The following MSH3 variants were observed in gnomAD, a reference collection of about 807,000 sequenced individuals.
MSH3 encodes DNA mismatch repair protein Msh3.
A neutral mutation model predicts 123.3 loss-of-function variants in MSH3; 106 were observed. That is an observed-to-expected ratio of 0.86 (90% CI 0.73 to 1.01). The LOEUF (loss-of-function observed/expected upper bound fraction) is 1.01, where lower values mean the gene tolerates loss of function less well. Among genes scored for constraint, MSH3 ranks in the 50% least tolerant of loss-of-function variants. MSH3 has a pLI of 0.00. For synonymous variants in MSH3, 515 were observed against 481.4 expected, an observed-to-expected ratio of 1.07 and a Z score of -0.91; for missense variants, 1,459 against 1,347.6, an observed-to-expected ratio of 1.08 and a Z score of -1.29.
At chr5:80,717,580 C>A (rs1750989397) in intron 8 of MSH3, among the ~76,000 whole-genome samples, 1 of 152,116 alleles carries the variant, frequency 6.6e-6, no homozygotes, top group Non-Finnish European at 1.5e-5. Flanking sequence ...TTTTAAGGAA[C>A]CTCCATACTA....
chr5:80,865,801 G>A (rs1462611978), intron 22 of MSH3, among the ~76,000 whole-genome samples: 1 of 152,162 alleles, frequency 6.6e-6, no homozygotes, highest in Admixed American at 6.5e-5. Flanking sequence ...AAAAGTAATA[G>A]GGATGGACCT....
At chr5:80,785,286 T>A (rs1048562578) in intron 17 of MSH3, among the ~76,000 whole-genome samples, 1 of 152,194 alleles carries the variant, frequency 6.6e-6, no homozygotes, top group Non-Finnish European at 1.5e-5. Context: ...ATTTTTTAAA[T>A]GTAGAAAGTA....
intron 3 of MSH3, among the ~76,000 whole-genome samples, chr5:80,666,148 C>T (rs905673509): frequency 6.6e-6 from 1 of 152,176 alleles, no homozygotes; most frequent in Non-Finnish European, 1.5e-5. Context: ...TAGTCTCAAA[C>T]TTCTGGTCTC....
chr5:80,860,077 T>C (rs902955853), intron 21 of MSH3, among the ~76,000 whole-genome samples: 17 of 150,664 alleles, frequency 1.1e-4, no homozygotes, highest in Non-Finnish European at 5.9e-5. Context: ...ACCATCACTG[T>C]CATTTATTTC....
Position 80,708,381 on chromosome 5 carries a change from A to G in MSH3, c.1341-17072A>G, listed in dbSNP as rs188499418. On this transcript the variant is annotated intron_variant, in intron 8 of 23. Transcript: ENST00000265081. ...TTTACCAGTTGTTTCCACACTGTTT[A>G]TAGAAAAGACTTTTATATGCATTGA... Among the ~76,000 whole-genome samples, 587 of 152,220 alleles carry G rather than the reference A, an allele frequency of 3.9e-3. 5 individuals are homozygous for G. Among genetic ancestry groups the G allele is most frequent in the African/African-American group, 0.013 (547 of 41,558 alleles).
intron 10 of MSH3, among the ~76,000 whole-genome samples, chr5:80,737,249 A>C (rs1192724437): frequency 6.6e-6 from 1 of 152,204 alleles, no homozygotes; most frequent in Non-Finnish European, 1.5e-5. Flanking sequence ...AATAGATTTC[A>C]TGTGTTATAT....
At chr5:80,692,759 TATAC>T (rs1362180557) in intron 8 of MSH3, among the ~76,000 whole-genome samples, 2 of 102,132 alleles carry the variant, frequency 2.0e-5, no homozygotes, top group African/African-American at 3.3e-5. Context: ...TTTAGATAAA[TATAC>T]ATACACATGT....
At chr5:80,707,777 A>G (rs1750756727) in intron 8 of MSH3, among the ~76,000 whole-genome samples, 1 of 152,230 alleles carries the variant, frequency 6.6e-6, no homozygotes, top group Non-Finnish European at 1.5e-5. Flanking sequence ...GTTTTGGAGT[A>G]GTAGTTAATT....
Position 80,708,398 on chromosome 5 carries a change from A to G in MSH3, c.1341-17055A>G, listed in dbSNP as rs192931708. Among the ~76,000 whole-genome samples, 6 of 152,120 alleles carry G rather than the reference A, an allele frequency of 3.9e-5. No individual in the cohort carries two copies. In the East Asian group the frequency reaches 5.8e-4, roughly 15 times the overall value. On this transcript the variant is annotated intron_variant, in intron 8 of 23. Transcript: ENST00000265081. Reference sequence around the variant, plus strand: ...CACTGTTTATAGAAAAGACTTTTATATGCATTGAATTATGTTGATGCCAAA... The same window carrying G: ...CACTGTTTATAGAAAAGACTTTTATGTGCATTGAATTATGTTGATGCCAAA...
intron 8 of MSH3, among the ~76,000 whole-genome samples, chr5:80,682,494 C>A (rs1259873163): frequency 6.6e-6 from 1 of 151,858 alleles, no homozygotes; most frequent in Non-Finnish European, 1.5e-5. Flanking sequence ...CCAAGTCAGG[C>A]GGATCACAAG....
At chr5:80,841,176 A>G (rs1745617070) in intron 20 of MSH3, among the ~76,000 whole-genome samples, 2 of 151,976 alleles carry the variant, frequency 1.3e-5, no homozygotes, top group Admixed American at 1.3e-4. Flanking sequence ...TGTCCTTGCA[A>G]TAGTTTGTGA....
rs200397657 is a variant in MSH3, at chr5:80,869,833, C to CAT, written c.3131-3275_3131-3274dup. Among the ~76,000 whole-genome samples, 633 of 69,826 alleles carry CAT rather than the reference C, an allele frequency of 9.1e-3. 7 individuals carry two copies. The highest frequency in any genetic ancestry group is 0.033 in the African/African-American group (578 of 17,338). The allele number at this position is 69,826 out of a possible 152,430, so 45.8% of individuals were successfully genotyped here. On this transcript the variant is annotated intron_variant, in intron 22 of 23. Transcript: ENST00000265081. Reference sequence around the variant, plus strand: ...ATATACATATATATATACATATATACATATATATACACACACACACACACA... The same window carrying CAT: ...ATATACATATATATATACATATATACATATATATATACACACACACACACACA...
intron 12 of MSH3, among the ~76,000 whole-genome samples, chr5:80,752,653 G>A (rs1167332888): frequency 1.3e-5 from 2 of 152,120 alleles, no homozygotes; most frequent in Non-Finnish European, 2.9e-5. Flanking sequence ...GACCAAATGA[G>A]ACAGTATATG....
At chr5:80,700,431 G>A (rs1185285122) in intron 8 of MSH3, among the ~76,000 whole-genome samples, 1 of 152,122 alleles carries the variant, frequency 6.6e-6, no homozygotes, top group Non-Finnish European at 1.5e-5. Flanking sequence ...ATATGCTGTA[G>A]GAAAATGTTT....
At chr5:80,679,174 T>C in intron 8 of MSH3, 81 bp downstream of exon 8, 6 of 1,410,728 alleles carry the variant, frequency 4.3e-6, no homozygotes, top group Non-Finnish European at 6.0e-6. Context: ...TTAAAGTTGC[T>C]AAAAATAGTT....
chr5:80,667,868 C>G (rs1279549146), intron 3 of MSH3, among the ~76,000 whole-genome samples: 1 of 152,192 alleles, frequency 6.6e-6, no homozygotes, highest in East Asian at 1.9e-4. Context: ...TTCTCTCCTT[C>G]TTGTTGCTGC....
At chr5:80,728,053 A>T (rs1023212000) in intron 9 of MSH3, among the ~76,000 whole-genome samples, 18 of 152,160 alleles carry the variant, frequency 1.2e-4, no homozygotes, top group Admixed American at 1.0e-3. Flanking sequence ...AGAGTAACTG[A>T]TGGGGAGAAC....
chr5:80,678,984 C>T lies in MSH3; in HGVS notation c.1231C>T (p.Arg411Cys), dbSNP rs199659527. Residue 411 changes from arginine to cysteine, a missense_variant, in exon 8 of 24, where the codon CGT becomes TGT. By Grantham distance (180) the Arg-to-Cys change is radical. Coordinates refer to ENST00000265081, the MANE Select transcript of MSH3 (RefSeq NM_002439.5). ...TGATAGTTTCCAGGACTCTGCTTCT[C>T]GTTCAGAGCTAGAAACCCGGATGTC... ...VFDSFQDSAS[R>C]SELETRMSSL... The T allele has an allele frequency of 2.5e-5, 40 of 1,614,156 alleles. No homozygotes were observed. Among genetic ancestry groups the T allele is most frequent in the African/African-American group, 4.0e-5 (3 of 75,050 alleles).
chr5:80,705,495 T>C (rs573575532), intron 8 of MSH3, among the ~76,000 whole-genome samples: 1 of 152,356 alleles, frequency 6.6e-6, no homozygotes, highest in South Asian at 2.1e-4. Flanking sequence ...CTCTTCAATC[T>C]GTTTGATGTT....
Sources: gnomAD v4.1 joint callset for allele counts (sites outside exome capture counted in the v4.1 genomes callset) on GRCh38, gnomAD v4.1.1 for gene constraint, MANE v1.5 for transcripts, NCBI Gene and HGNC (gene_info 2026-07-23, HGNC 2026-07-21) for gene names.